Variants in LIMS1 observed in about 807,000 individuals in gnomAD.
LIMS1 encodes LIM zinc finger domain containing 1.
A neutral mutation model predicts 44.1 loss-of-function variants in LIMS1; 18 were observed. That is an observed-to-expected ratio of 0.41 (90% confidence interval 0.28 to 0.61). The LOEUF (loss-of-function observed/expected upper bound fraction) is 0.61. LIMS1 is among the 20% of genes least tolerant of loss of function. The probability of loss-of-function intolerance (pLI) is 0.32; values close to 1 mark genes in which losing one functional copy is unlikely to be tolerated. For missense variants in LIMS1, 201 were observed against 422.0 expected, an observed-to-expected ratio of 0.48 and a Z score of 4.59; for synonymous variants, 93 against 149.1, an observed-to-expected ratio of 0.62 and a Z score of 2.74.
intron 1 of LIMS1, among the ~76,000 whole-genome samples, chr2:108,634,871 CAAG>C (rs762805648): frequency 2.0e-5 from 3 of 152,234 alleles, no homozygotes; most frequent in Non-Finnish European, 4.4e-5. Context: ...CAGTCATCTT[CAAG>C]AAGAACAAAA....
At chr2:108,553,005 G>A (rs888555850) in intron 1 of LIMS1, among the ~76,000 whole-genome samples, 6 of 152,150 alleles carry the variant, frequency 3.9e-5, no homozygotes, top group South Asian at 2.1e-4. Flanking sequence ...AAAAATAAAC[G>A]AAGTTTAATC....
chr2:108,648,695 T>C (rs1452279482), intron 1 of LIMS1, among the ~76,000 whole-genome samples: 2 of 152,178 alleles, frequency 1.3e-5, no homozygotes, highest in African/African-American at 2.4e-5. Flanking sequence ...TACAACCATC[T>C]GATCTTTGAC....
exon 10 of LIMS1, chr2:108,684,308 A>G (rs1693195152): frequency 6.3e-6 from 1 of 158,282 alleles, no homozygotes; most frequent in South Asian, 2.0e-4. Context: ...ACTTTTTAAA[A>G]TGAAAGGAGT....
chr2:108,631,293 T>A (rs905654204), intron 1 of LIMS1, among the ~76,000 whole-genome samples: 6 of 152,238 alleles, frequency 3.9e-5, no homozygotes, highest in African/African-American at 1.4e-4. Flanking sequence ...GTGAGGAGTC[T>A]GGGTATAGCC....
intron 1 of LIMS1, among the ~76,000 whole-genome samples, chr2:108,626,946 CA>C (rs1553462071): frequency 6.6e-6 from 1 of 152,228 alleles, no homozygotes; most frequent in Non-Finnish European, 1.5e-5. Flanking sequence ...ACAAACATGA[CA>C]GTGGTCTCTT....
chr2:108,576,189 T>G (rs1392091470), intron 1 of LIMS1, among the ~76,000 whole-genome samples: 1 of 152,212 alleles, frequency 6.6e-6, no homozygotes, highest in East Asian at 1.9e-4. Context: ...GCTAATAGGT[T>G]TTATTCATTC....
intron 1 of LIMS1, among the ~76,000 whole-genome samples, chr2:108,539,317 T>G (rs1328513716): frequency 1.3e-5 from 2 of 152,192 alleles, no homozygotes; most frequent in African/African-American, 2.4e-5. Flanking sequence ...ATTCCTGGCC[T>G]CAAGCGATCC....
intron 2 of LIMS1, chr2:108,662,246 A>C (rs778698982): frequency 2.2e-5 from 36 of 1,611,940 alleles, no homozygotes; most frequent in Non-Finnish European, 3.0e-5. Context: ...CATGATGGTT[A>C]AGCTACCTTC....
chr2:108,565,392 C>A (rs1180355812), intron 1 of LIMS1, among the ~76,000 whole-genome samples: 22 of 152,218 alleles, frequency 1.4e-4, no homozygotes, highest in Non-Finnish European at 7.4e-5. Flanking sequence ...TTAAGTAACT[C>A]TTTTCTATCT....
intron 1 of LIMS1, among the ~76,000 whole-genome samples, chr2:108,572,436 G>A (rs1685512098): frequency 7.1e-6 from 1 of 141,042 alleles, no homozygotes; most frequent in African/African-American, 2.7e-5. Flanking sequence ...AGGCTGGAGT[G>A]CAGTGGCGCA....
At chr2:108,634,552 C>T (rs964647273) in intron 1 of LIMS1, among the ~76,000 whole-genome samples, 3 of 152,214 alleles carry the variant, frequency 2.0e-5, no homozygotes, top group African/African-American at 7.2e-5. Context: ...CTTTCAGGCT[C>T]CTGAAGCTGT....
intron 5 of LIMS1, among the ~76,000 whole-genome samples, chr2:108,675,032 T>G (rs1692435430): frequency 6.6e-6 from 1 of 152,096 alleles, no homozygotes; most frequent in East Asian, 1.9e-4. Flanking sequence ...TTTTGTTGTT[T>G]ATGAAAATAA....
intron 1 of LIMS1, among the ~76,000 whole-genome samples, chr2:108,548,190 G>A (rs1450397122): frequency 6.6e-6 from 1 of 152,132 alleles, no homozygotes; most frequent in African/African-American, 2.4e-5. Flanking sequence ...TAGGACACTA[G>A]GTTACCTGGT....
chr2:108,585,004 A>G lies in LIMS1; in HGVS notation c.32+50410A>G, dbSNP rs574232518. Among the ~76,000 whole-genome samples, 94 of 152,102 alleles carry G rather than the reference A, an allele frequency of 6.2e-4. 1 individual carries two copies. Among genetic ancestry groups the G allele is most frequent in the South Asian group, 5.2e-3 (25 of 4,800 alleles). On this transcript the variant is annotated intron_variant, in intron 1 of 9. Transcript: ENST00000544547. Reference sequence around the variant, plus strand: ...TGTCTCTACCAAAAATACAAAAATTAGCCGAGCGTGGTGGCACGTGCCTGT... The same window carrying G: ...TGTCTCTACCAAAAATACAAAAATTGGCCGAGCGTGGTGGCACGTGCCTGT...
At chr2:108,671,937 T>C (rs1248808458) in intron 3 of LIMS1, among the ~76,000 whole-genome samples, 1 of 152,152 alleles carries the variant, frequency 6.6e-6, no homozygotes, top group Admixed American at 6.5e-5. Flanking sequence ...CCTAGCACTT[T>C]GGGAGGCCAA....
chr2:108,536,017 T>TA (rs1233977657), intron 1 of LIMS1, among the ~76,000 whole-genome samples: 3 of 151,970 alleles, frequency 2.0e-5, no homozygotes, highest in South Asian at 2.1e-4. Flanking sequence ...CTTTTTTCCT[T>TA]AAAAAAAAGT....
chr2:108,681,675 CT>C, intron 9 of LIMS1: 1 of 775,982 alleles, frequency 1.3e-6, no homozygotes, highest in Non-Finnish European at 1.6e-6. Flanking sequence ...AATCCCAGCA[CT>C]TTAGGAAGGC....
chr2:108,635,320 CAG>C (rs995973866), intron 1 of LIMS1, among the ~76,000 whole-genome samples: 4 of 150,044 alleles, frequency 2.7e-5, no homozygotes, highest in African/African-American at 4.9e-5. Flanking sequence ...CCCAGCTACT[CAG>C]GGGGCCAAAG....
intron 1 of LIMS1, among the ~76,000 whole-genome samples, chr2:108,643,753 G>C (rs1281070732): frequency 6.6e-6 from 1 of 152,218 alleles, no homozygotes; most frequent in Non-Finnish European, 1.5e-5. Flanking sequence ...AGCCAAACAA[G>C]CTAAGATCCA....
Sources: gnomAD v4.1 joint callset for allele counts (sites outside exome capture counted in the v4.1 genomes callset) on GRCh38, gnomAD v4.1.1 for gene constraint, MANE v1.5 for transcripts, NCBI Gene and HGNC (gene_info 2026-07-23, HGNC 2026-07-21) for gene names.